SLIT3: variants seen among roughly 807,000 people sequenced by gnomAD.
SLIT3 encodes slit guidance ligand 3.
In SLIT3, 68 loss-of-function variants were observed where a neutral mutation model predicts 184.0. That is an observed-to-expected ratio of 0.37 (90% confidence interval 0.30 to 0.45). The LOEUF (loss-of-function observed/expected upper bound fraction) is 0.45, where lower values mean the gene tolerates loss of function less well. Ranked by LOEUF, SLIT3 falls within the 20% of genes least tolerant of loss-of-function variation. The pLI is 1.00. For synonymous variants in SLIT3, 831 were observed against 828.6 expected (o/e 1.00, Z -0.05); for missense variants, 1,707 against 2,026.0 (o/e 0.84, Z 3.02).
intron 4 of SLIT3, among the ~76,000 whole-genome samples, chr5:168,993,671 AG>A (rs1258246534): frequency 8.5e-6 from 1 of 117,650 alleles, no homozygotes. Flanking sequence ...CTAAGTACAC[AG>A]GAAAAAAAAA....
At chr5:169,244,830 C>G in intron 2 of SLIT3, 54 bp from the exon 3 acceptor site, 4 of 1,485,002 alleles carry the variant, frequency 2.7e-6, no homozygotes, top group Non-Finnish European at 3.8e-6. Context: ...CAGGGACCCT[C>G]ATACTAGGCT....
intron 27 of SLIT3, among the ~76,000 whole-genome samples, chr5:168,700,087 C>T (rs893894340): frequency 1.3e-5 from 2 of 152,184 alleles, no homozygotes; most frequent in African/African-American, 4.8e-5. Context: ...TTACAGGGTG[C>T]GAAGAGCCTT....
intron 6 of SLIT3, among the ~76,000 whole-genome samples, chr5:168,830,226 G>A (rs1168852888): frequency 6.6e-6 from 1 of 152,096 alleles, no homozygotes; most frequent in Non-Finnish European, 1.5e-5. Flanking sequence ...AGGTTGAGAG[G>A]GGCATCCCCA....
intron 1 of SLIT3, among the ~76,000 whole-genome samples, chr5:169,290,687 GGGGCACGCACTA>G (rs1321734731): frequency 3.6e-4 from 44 of 121,906 alleles, no homozygotes; most frequent in African/African-American, 9.5e-4. Context: ...GGCACATGCT[GGGGCACGCACTA>G]GGGCACGCAC....
intron 5 of SLIT3, among the ~76,000 whole-genome samples, chr5:168,875,510 G>A (rs764681931): frequency 4.0e-5 from 6 of 151,770 alleles, no homozygotes; most frequent in Non-Finnish European, 7.4e-5. Context: ...GGCAGGCACC[G>A]GTAATCCCAG....
intron 16 of SLIT3, among the ~76,000 whole-genome samples, chr5:168,755,903 G>A (rs1332074598): frequency 6.6e-6 from 1 of 152,202 alleles, no homozygotes; most frequent in Non-Finnish European, 1.5e-5. Context: ...GTTGCTGGGG[G>A]GCTTGTGTGG....
chr5:169,201,451 T>C (rs986321749), intron 3 of SLIT3, among the ~76,000 whole-genome samples: 4 of 152,202 alleles, frequency 2.6e-5, no homozygotes, highest in African/African-American at 9.7e-5. Flanking sequence ...TTAACATCTG[T>C]AAAGGGCTTT....
At chr5:169,127,588 T>C (rs1028268919) in intron 4 of SLIT3, among the ~76,000 whole-genome samples, 3 of 152,236 alleles carry the variant, frequency 2.0e-5, no homozygotes, top group African/African-American at 7.2e-5. Context: ...TATCTAACTC[T>C]ATTGTCAAGC....
chr5:168,696,473 A>G (rs772932444), intron 27 of SLIT3, 42 bp from the exon 28 acceptor site: 4 of 1,611,220 alleles, frequency 2.5e-6, no homozygotes, highest in Non-Finnish European at 2.5e-6. Flanking sequence ...GTCAGGGGTC[A>G]GGGAGAGAGG....
Position 169,049,088 on chromosome 5 carries a change from C to T in SLIT3, c.413+144391G>A, listed in dbSNP as rs560841121. 1.6e-4 allele frequency among the ~76,000 whole-genome samples: 25 copies of T among 152,258 alleles called. No homozygotes were observed. In the South Asian group the frequency reaches 3.5e-3, roughly 21 times the overall value. ...ATAGCCTGTGAGGGCGCCAGGGCTACGGCAGGCAGGGCCATTACCCATGTT... is the reference window on the plus strand; with the variant it reads ...ATAGCCTGTGAGGGCGCCAGGGCTATGGCAGGCAGGGCCATTACCCATGTT... On this transcript the variant is annotated intron_variant, in intron 4 of 35. Transcript: ENST00000519560.
intron 4 of SLIT3, among the ~76,000 whole-genome samples, chr5:168,971,157 A>G (rs756323100): frequency 6.6e-6 from 1 of 152,254 alleles, no homozygotes; most frequent in African/African-American, 2.4e-5. Flanking sequence ...CAAGGAAAGT[A>G]CGCTATTAGC....
intron 1 of SLIT3, among the ~76,000 whole-genome samples, chr5:169,262,580 A>G (rs1766229905): frequency 6.6e-6 from 1 of 152,116 alleles, no homozygotes. Flanking sequence ...GGAACCATAA[A>G]AGGGGCCGAG....
At chr5:169,005,806 C>T (rs558706798) in intron 4 of SLIT3, among the ~76,000 whole-genome samples, 6 of 152,308 alleles carry the variant, frequency 3.9e-5, no homozygotes, top group East Asian at 1.9e-4. Flanking sequence ...TGGCACTCTG[C>T]GCCTTTGGAG....
intron 4 of SLIT3, among the ~76,000 whole-genome samples, chr5:168,942,645 A>C (rs1225038030): frequency 6.6e-6 from 1 of 152,188 alleles, no homozygotes; most frequent in Non-Finnish European, 1.5e-5. Flanking sequence ...ATATGTACTT[A>C]TTCATTCCAC....
chr5:169,119,197 C>T (rs963352408), intron 4 of SLIT3, among the ~76,000 whole-genome samples: 1 of 152,280 alleles, frequency 6.6e-6, no homozygotes, highest in South Asian at 2.1e-4. Flanking sequence ...TGGAGTTCCA[C>T]CAAAACAGAC....
chr5:169,198,515 A>G (rs1397838991), intron 3 of SLIT3, among the ~76,000 whole-genome samples: 2 of 152,252 alleles, frequency 1.3e-5, no homozygotes, highest in Non-Finnish European at 2.9e-5. Flanking sequence ...ACAACTAGGC[A>G]GCAGTCATAC....
chr5:168,705,716 A>C (rs546877357), intron 26 of SLIT3, among the ~76,000 whole-genome samples: 1 of 152,332 alleles, frequency 6.6e-6, no homozygotes, highest in East Asian at 1.9e-4. Context: ...AGTAGCTCTG[A>C]AGATACTCTC....
intron 8 of SLIT3, among the ~76,000 whole-genome samples, chr5:168,810,857 G>T (rs953079882): frequency 6.6e-6 from 1 of 152,112 alleles, no homozygotes; most frequent in Admixed American, 6.5e-5. Flanking sequence ...GGGGAGGGAT[G>T]CGTCTCCAGC....
chr5:169,018,425 C>T (rs1172884508), intron 4 of SLIT3: 2 of 152,166 alleles, frequency 1.3e-5, no homozygotes, highest in Non-Finnish European at 2.9e-5. Flanking sequence ...AGAGTATCAA[C>T]CTGAGCCCAG....
Sources: allele counts gnomAD v4.1 joint callset (sites outside exome capture counted in the v4.1 genomes callset), GRCh38; gene constraint gnomAD v4.1.1; transcripts MANE v1.5; gene names NCBI Gene and HGNC (gene_info 2026-07-23, HGNC 2026-07-21).